The following CWC22 variants were observed in gnomAD, a reference collection of about 807,000 sequenced individuals.
CWC22 encodes the protein pre-mRNA-splicing factor CWC22 homolog.
In CWC22, 53 loss-of-function variants were observed where a neutral mutation model predicts 117.2. The ratio of observed to expected loss-of-function variants is 0.45; its 90% CI spans 0.36 to 0.57. The LOEUF (loss-of-function observed/expected upper bound fraction) is 0.57, where lower values mean the gene tolerates loss of function less well. CWC22 is among the 20% of genes least tolerant of loss of function. The pLI, the probability that CWC22 is intolerant of heterozygous loss-of-function variation, is 0.00. For missense variants in CWC22, 980 were observed against 1,068.8 expected (o/e 0.92, Z 1.16); for synonymous variants, 360 against 355.6 (o/e 1.01, Z -0.14).
At chr2:179,983,060 A>G (rs1350724585) in intron 4 of CWC22, among the ~76,000 whole-genome samples, 1 of 152,216 alleles carries the variant, frequency 6.6e-6, no homozygotes, top group Non-Finnish European at 1.5e-5. Context: ...AAAAGCAGTC[A>G]TCTTCCCAGG....
At chr2:179,984,638 G>A (rs1477218972) in intron 4 of CWC22, among the ~76,000 whole-genome samples, 1 of 151,906 alleles carries the variant, frequency 6.6e-6, no homozygotes, top group South Asian at 2.1e-4. Flanking sequence ...AACCATGAGA[G>A]TCAAGTTTTA....
Position 179,970,825 on chromosome 2 carries a change from A to G in CWC22, c.972T>C (p.His324=), listed in dbSNP as rs779042883. ...GAACTCTTTTGTCAATTTCAGACTC[A>G]TGCAGAATGTTTCGAAGGCGTTCAA... is the stretch of plus-strand genomic sequence containing the variant. The part of the protein sequence containing the change: ...AIFERLRNIL[H]ESEIDKRVQY... Residue 324 remains histidine, a synonymous_variant, in exon 10 of 20, where the codon CAT becomes CAC. Coordinates refer to ENST00000410053, the MANE Select transcript of CWC22 (RefSeq NM_020943.3). 1 of 1,613,748 alleles carries G rather than the reference A, an allele frequency of 6.2e-7. No individual in the cohort carries two copies. The highest frequency in any genetic ancestry group is 1.7e-5 in the Admixed American group (1 of 60,018).
At chr2:179,955,483 T>C (rs1686563453) in intron 14 of CWC22, among the ~76,000 whole-genome samples, 1 of 152,116 alleles carries the variant, frequency 6.6e-6, no homozygotes, top group East Asian at 1.9e-4. Context: ...AAAAGGCAGA[T>C]CATTATTAGT....
At chr2:179,992,924 A>G (rs1423429141) in intron 2 of CWC22, among the ~76,000 whole-genome samples, 1 of 152,176 alleles carries the variant, frequency 6.6e-6, no homozygotes, top group Non-Finnish European at 1.5e-5. Context: ...ATTTCCCTGC[A>G]CTGTTTGTTA....
At chr2:179,975,264 C>A (rs1687127653) in intron 6 of CWC22, among the ~76,000 whole-genome samples, 1 of 152,298 alleles carries the variant, frequency 6.6e-6, no homozygotes, top group Non-Finnish European at 1.5e-5. Flanking sequence ...ATTTCTCTCA[C>A]ATTCCCATTT....
At chr2:179,994,751 T>C (rs998003147) in intron 1 of CWC22, among the ~76,000 whole-genome samples, 1 of 152,362 alleles carries the variant, frequency 6.6e-6, no homozygotes, top group Non-Finnish European at 1.5e-5. Flanking sequence ...AATACGCTTA[T>C]TAACAGGCTC....
intron 1 of CWC22, among the ~76,000 whole-genome samples, chr2:179,997,922 T>C (rs1449243076): frequency 6.6e-6 from 1 of 152,164 alleles, no homozygotes; most frequent in African/African-American, 2.4e-5. Context: ...CTTAACAGTG[T>C]AAAACTAGTT....
intron 1 of CWC22, among the ~76,000 whole-genome samples, chr2:180,002,819 CAG>C (rs1687878608): frequency 1.3e-5 from 2 of 152,120 alleles, no homozygotes. Context: ...GACTCAGAGA[CAG>C]AGAATTTGGG....
chr2:179,956,728 G>A (rs1329181600), intron 14 of CWC22, among the ~76,000 whole-genome samples: 1 of 151,266 alleles, frequency 6.6e-6, no homozygotes, highest in African/African-American at 2.4e-5. Context: ...AAAAAATAAG[G>A]CTTTTCTAAA....
intron 5 of CWC22, 147 bp from the exon 6 acceptor site, chr2:179,978,465 C>G (rs1399089489): frequency 1.2e-5 from 10 of 834,982 alleles, no homozygotes; most frequent in Non-Finnish European, 1.5e-5. Flanking sequence ...TGATGCCTAT[C>G]AGGATAAATA....
chr2:179,980,802 T>C (rs1287785831), intron 5 of CWC22, among the ~76,000 whole-genome samples: 1 of 152,208 alleles, frequency 6.6e-6, no homozygotes, highest in Non-Finnish European at 1.5e-5. Flanking sequence ...TCACCTTGCA[T>C]CTGTTTTTCT....
intron 1 of CWC22, among the ~76,000 whole-genome samples, chr2:179,998,478 C>G (rs1249270173): frequency 6.6e-6 from 1 of 152,034 alleles, no homozygotes; most frequent in East Asian, 1.9e-4. Flanking sequence ...TAAATTACAC[C>G]TAGTAAATGG....
Position 179,986,744 on chromosome 2 carries a change from A to G in CWC22, c.157T>C (p.Tyr53His), listed in dbSNP as rs1489881083. Reference sequence around the variant, plus strand: ...GAACGTCCTCTTCTTGAATGCTCATAGTCTGATCTGCTGTAATCAAAGTAA... The same window carrying G: ...GAACGTCCTCTTCTTGAATGCTCATGGTCTGATCTGCTGTAATCAAAGTAA... ...RDYFDYSRSDYEHSRRGRSYD... is the reference protein window; with the variant it reads ...RDYFDYSRSDHEHSRRGRSYD... Residue 53 changes from tyrosine (Y) to histidine (H), a missense_variant, in exon 4 of 20, where the codon TAT (tyrosine) becomes CAT (histidine). By Grantham distance (83) the Tyr-to-His change is moderately conservative. This residue lies in a region of CWC22 where 559 missense variants were observed against 602.3 expected (regional missense o/e 0.93). Transcript: ENST00000410053. 3 of 1,609,610 alleles carry G rather than the reference A, an allele frequency of 1.9e-6. No individual in the cohort carries two copies. Among genetic ancestry groups the G allele is most frequent in the African/African-American group, 2.7e-5 (2 of 74,832 alleles).
intron 14 of CWC22, among the ~76,000 whole-genome samples, chr2:179,957,467 G>A (rs1043444620): frequency 2.0e-5 from 3 of 152,034 alleles, no homozygotes; most frequent in Non-Finnish European, 2.9e-5. Flanking sequence ...CTTATTCTGC[G>A]GCTGTGGTGT....
At chr2:179,982,033 A>G (rs1457864361) in intron 4 of CWC22, 36 bp from the exon 5 acceptor site, 1 of 1,148,568 alleles carries the variant, frequency 8.7e-7, no homozygotes, top group Admixed American at 2.1e-5. Context: ...AGAAAAGACA[A>G]TATAAAACAC....
At chr2:179,978,483 TC>T (rs10712339) in intron 5 of CWC22, among the ~76,000 whole-genome samples, 165 bp from the exon 6 acceptor site, 21,684 of 152,064 alleles carry the variant, frequency 0.14, 1,929 homozygotes, top group Admixed American at 0.29. Context: ...ATAGATTATA[TC>T]CTGAACCATA....
intron 6 of CWC22, among the ~76,000 whole-genome samples, chr2:179,976,751 C>T (rs1687162710): frequency 1.3e-5 from 2 of 152,138 alleles, no homozygotes; most frequent in African/African-American, 4.8e-5. Context: ...TGAAAAATAG[C>T]AAGTGTTGCC....
At chr2:179,952,181 T>C (rs1426943760) in intron 17 of CWC22, among the ~76,000 whole-genome samples, 1 of 151,850 alleles carries the variant, frequency 6.6e-6, no homozygotes, top group African/African-American at 2.4e-5. Context: ...AAAAAGAAAA[T>C]AAAATTATAA....
At chr2:179,988,988 T>C (rs1481994489) in intron 2 of CWC22, among the ~76,000 whole-genome samples, 1 of 151,850 alleles carries the variant, frequency 6.6e-6, no homozygotes, top group African/African-American at 2.4e-5. Flanking sequence ...AGTTCTTTAG[T>C]GGTGATTTCT....
Sources: gnomAD v4.1 joint callset for allele counts (sites outside exome capture counted in the v4.1 genomes callset) on GRCh38, gnomAD v4.1.1 for gene constraint, gnomAD v4.1.1 regional missense constraint, MANE v1.5 for transcripts, NCBI Gene and HGNC (gene_info 2026-07-23, HGNC 2026-07-21) for gene names.